RGL1: variants seen among roughly 807,000 people sequenced by gnomAD.
RGL1 encodes ral guanine nucleotide dissociation stimulator-like 1.
In RGL1, 24 loss-of-function variants were observed where a neutral mutation model predicts 95.2. The ratio of observed to expected loss-of-function variants is 0.25; its 90% confidence interval spans 0.18 to 0.35. RGL1 has a LOEUF of 0.35. Ranked by LOEUF, RGL1 falls within the 10% of genes least tolerant of loss-of-function variation. The pLI is 1.00. For missense variants in RGL1, 715 were observed against 936.3 expected (o/e 0.76, Z 3.08); for synonymous variants, 329 against 344.9 (o/e 0.95, Z 0.51).
intron 2 of RGL1, among the ~76,000 whole-genome samples, chr1:183,779,917 A>C (rs1371652544): frequency 6.6e-6 from 1 of 152,214 alleles, no homozygotes. Context: ...GAAATGGGTC[A>C]ATTGAAATAA....
chr1:183,747,134 A>G (rs1220952386), intron 2 of RGL1, among the ~76,000 whole-genome samples: 3 of 152,112 alleles, frequency 2.0e-5, no homozygotes, highest in Non-Finnish European at 4.4e-5. Context: ...ATGTGTCTTT[A>G]TAGTATAATG....
chr1:183,662,822 C>T (rs1440608564), intron 1 of RGL1, among the ~76,000 whole-genome samples: 1 of 152,124 alleles, frequency 6.6e-6, no homozygotes, highest in East Asian at 1.9e-4. Flanking sequence ...TACTACAAGG[C>T]TACAGTAACC....
chr1:183,878,956 T>C (rs1666672551), intron 4 of RGL1, among the ~76,000 whole-genome samples: 1 of 152,230 alleles, frequency 6.6e-6, no homozygotes, highest in Non-Finnish European at 1.5e-5. Context: ...CATCCCTCTT[T>C]TTAAAGGTGC....
At chr1:183,742,196 G>C in exon 2 of RGL1, 2 of 1,614,120 alleles carry the variant, frequency 1.2e-6, no homozygotes, top group Non-Finnish European at 1.7e-6. Context: ...CTCAAGAGGT[G>C]TCTAAATTCA....
At chr1:183,742,511 G>C (rs1378739768) in intron 2 of RGL1, among the ~76,000 whole-genome samples, 1 of 152,126 alleles carries the variant, frequency 6.6e-6, no homozygotes, top group East Asian at 1.9e-4. Context: ...GAAAGCCAGC[G>C]CTTAAAAAAT....
intron 2 of RGL1, among the ~76,000 whole-genome samples, chr1:183,832,508 AAG>A (rs1218512783): frequency 6.6e-6 from 1 of 152,200 alleles, no homozygotes; most frequent in Non-Finnish European, 1.5e-5. Flanking sequence ...GATGACCAGA[AAG>A]AGTATAGAAA....
intron 4 of RGL1, among the ~76,000 whole-genome samples, chr1:183,874,766 CAA>C (rs1305225284): frequency 6.6e-6 from 1 of 152,156 alleles, no homozygotes; most frequent in Non-Finnish European, 1.5e-5. Flanking sequence ...AGGAAAAAAA[CAA>C]AGAGGAAAGC....
chr1:183,772,089 C>G (rs1659311098), intron 2 of RGL1, among the ~76,000 whole-genome samples: 1 of 152,224 alleles, frequency 6.6e-6, no homozygotes, highest in Admixed American at 6.5e-5. Flanking sequence ...CCTTCTGGCT[C>G]CCCCATCGGT....
chr1:183,868,568 A>G (rs1357312244), intron 4 of RGL1, among the ~76,000 whole-genome samples: 15 of 152,200 alleles, frequency 9.9e-5, no homozygotes, highest in Admixed American at 9.8e-4. Flanking sequence ...ATTCCTAAGC[A>G]CTTTAGAGTT....
chr1:183,839,259 A>C (rs1162507105), intron 2 of RGL1, among the ~76,000 whole-genome samples: 2 of 152,124 alleles, frequency 1.3e-5, no homozygotes, highest in African/African-American at 2.4e-5. Context: ...TTAGATTCTA[A>C]CTGCCTGTTG....
chr1:183,709,387 A>AC (rs1655124095), intron 1 of RGL1: 1 of 152,380 alleles, frequency 6.6e-6, no homozygotes, highest in Admixed American at 6.5e-5. Flanking sequence ...AGGGCAGGGT[A>AC]CCTTTCACAG....
intron 1 of RGL1, among the ~76,000 whole-genome samples, chr1:183,702,890 G>C (rs1476008373): frequency 1.3e-5 from 2 of 152,212 alleles, no homozygotes; most frequent in African/African-American, 4.8e-5. Flanking sequence ...AGGCTTAAAA[G>C]GGCATCAGCA....
intron 2 of RGL1, among the ~76,000 whole-genome samples, chr1:183,751,805 A>G (rs1658018868): frequency 6.6e-6 from 1 of 152,156 alleles, no homozygotes; most frequent in South Asian, 2.1e-4. Context: ...TAGGGGAGGG[A>G]GTTCCCTGAC....
In RGL1 at chr1:183,751,570, G is replaced by T. The variant is rs111666025; in HGVS notation, c.132+9281G>T. On this transcript the variant is annotated intron_variant, in intron 2 of 18. Coordinates refer to the RGL1 transcript ENST00000304685. Reference sequence around the variant, plus strand: ...AAAGGGGAGTGAATGGTTCTGTCTCGCTGGGGTTCCAGGCACCACTAGGGT... The same window carrying T: ...AAAGGGGAGTGAATGGTTCTGTCTCTCTGGGGTTCCAGGCACCACTAGGGT... Among the ~76,000 whole-genome samples the T allele has an allele frequency of 3.9e-4, 59 of 152,170 alleles. 1 individual carries two copies. Among genetic ancestry groups the T allele is most frequent in the African/African-American group, 1.4e-3 (59 of 41,506 alleles).
At chr1:183,646,222 A>C (rs1163438547) in intron 1 of RGL1, among the ~76,000 whole-genome samples, 1 of 152,216 alleles carries the variant, frequency 6.6e-6, no homozygotes. Flanking sequence ...ATATACCCAG[A>C]ATAAAACTAT....
chr1:183,783,882 A>C (rs2102361213), intron 2 of RGL1, among the ~76,000 whole-genome samples: 1 of 152,276 alleles, frequency 6.6e-6, no homozygotes, highest in East Asian at 1.9e-4. Flanking sequence ...AATGGGAAAA[A>C]GACTTTTCCA....
intron 1 of RGL1, among the ~76,000 whole-genome samples, chr1:183,710,560 A>G (rs751044162): frequency 6.6e-6 from 1 of 152,212 alleles, no homozygotes; most frequent in East Asian, 1.9e-4. Context: ...TGGGTGATTC[A>G]TAAACAAAAG....
chr1:183,927,840 A>G lies in RGL1; in HGVS notation c.*1548A>G, dbSNP rs1027791509. On this transcript the variant is annotated 3_prime_UTR_variant, in exon 18 of 18. Transcript: ENST00000360851. ...TATTTTTTTTTCTTAATCCCATAAT[A>G]CAGCTCCTAAAAGTTGTGTGGGATT... The G allele has an allele frequency of 1.3e-5, 2 of 152,604 alleles. No homozygotes were observed. The highest frequency in any genetic ancestry group is 2.9e-5 in the Non-Finnish European group (2 of 68,032). The allele number at this position is 152,604 out of a possible 1,614,324, so 9.5% of individuals were successfully genotyped here.
At chr1:183,911,132 C>CT (rs112465891) in intron 14 of RGL1, among the ~76,000 whole-genome samples, 7 of 151,548 alleles carry the variant, frequency 4.6e-5, no homozygotes, top group East Asian at 1.9e-4. Context: ...GCAAGATTTT[C>CT]TTTTTTTTTA....
Sources: allele counts gnomAD v4.1 joint callset (sites outside exome capture counted in the v4.1 genomes callset), GRCh38; gene constraint gnomAD v4.1.1; transcripts MANE v1.5; gene names NCBI Gene and HGNC (gene_info 2026-07-23, HGNC 2026-07-21).